TMEM41A: variants seen among roughly 807,000 people sequenced by gnomAD.
TMEM41A encodes the protein transmembrane protein 41A.
In TMEM41A, 20 loss-of-function variants were observed where a neutral mutation model predicts 25.7. The ratio of observed to expected loss-of-function variants is 0.78; its 90% CI spans 0.55 to 1.13. TMEM41A has a LOEUF of 1.13. TMEM41A is among the 50% of genes most tolerant of loss of function. The probability of loss-of-function intolerance (pLI) is 0.00; values close to 1 mark genes in which losing one functional copy is unlikely to be tolerated. For missense variants in TMEM41A, 299 were observed against 314.3 expected, an observed-to-expected ratio of 0.95 and a Z score of 0.37; for synonymous variants, 133 against 139.6, an observed-to-expected ratio of 0.95 and a Z score of 0.33.
At chr3:185,493,870 G>A (rs768576479) in intron 4 of TMEM41A, 2 of 152,144 alleles carry the variant, frequency 1.3e-5, no homozygotes, top group African/African-American at 4.8e-5. Flanking sequence ...GTTTGCAGGC[G>A]ATTCTTAATA....
chr3:185,494,644 A>G lies in TMEM41A; in HGVS notation c.553T>C (p.Phe185Leu). The change falls in exon 4 of 5, where the codon TTC (phenylalanine) becomes CTC (leucine). Residue 185 changes from phenylalanine to leucine, a missense_variant. Physicochemically the swap from Phe to Leu is conservative, Grantham distance 22. Transcript: ENST00000421852. ...APILNIPIVQ[F>L]FFSVLIGLIP... is the part of the protein sequence containing the mutation. ...TTACCGATAAGAACTGAGAAGAAGA[A>G]CTGCACGATGGGAATGTTCAGAATT... The G allele has an allele frequency of 6.2e-7, 1 of 1,609,316 alleles. No homozygotes were observed. The highest frequency in any genetic ancestry group is 8.5e-7 in the Non-Finnish European group (1 of 1,178,406).
In TMEM41A at chr3:185,492,090, T is replaced by G. The variant is rs1718974656; in HGVS notation, c.575-333A>C. The stretch of plus-strand genomic sequence containing the variant: ...GGAGGCCGAGGTGGATCACCTGAGG[T>G]CAGGAGTTCGAGATCAGCCTGGCCA... On this transcript the variant is annotated intron_variant, in intron 4 of 4. Transcript: ENST00000421852. Among the ~76,000 whole-genome samples, 3 of 152,186 alleles carry G rather than the reference T, an allele frequency of 2.0e-5. No individual in the cohort carries two copies. In the South Asian group the frequency reaches 6.2e-4, roughly 32 times the overall value.
At chr3:185,495,007 C>G (rs1233394946) in intron 3 of TMEM41A, 147 bp downstream of exon 3, 6 of 1,066,010 alleles carry the variant, frequency 5.6e-6, no homozygotes, top group Non-Finnish European at 8.1e-6. Context: ...AGGTCTATGT[C>G]TCCTGAAGAC....
chr3:185,498,123 G>A (rs1343533657), intron 1 of TMEM41A, among the ~76,000 whole-genome samples: 5 of 133,438 alleles, frequency 3.7e-5, no homozygotes, highest in African/African-American at 5.8e-5. Context: ...AAATTAGCCG[G>A]CCGTGGTGGC....
chr3:185,497,854 T>C (rs541189038), intron 1 of TMEM41A, among the ~76,000 whole-genome samples: 1 of 152,296 alleles, frequency 6.6e-6, no homozygotes, highest in East Asian at 1.9e-4. Context: ...AACCACGCAA[T>C]GCTGTACTAG....
chr3:185,498,573 A>G (rs574730049), intron 1 of TMEM41A: 40 of 361,586 alleles, frequency 1.1e-4, no homozygotes, highest in Non-Finnish European at 1.7e-4. Flanking sequence ...CCACCCAACC[A>G]AAGGCACCGC....
rs1719194847 is a variant in TMEM41A, at chr3:185,498,945, C to A, written c.17G>T (p.Gly6Val). 1 of 1,602,248 alleles carries A rather than the reference C, an allele frequency of 6.2e-7. No individual in the cohort carries two copies. The highest frequency in any genetic ancestry group is 8.5e-7 in the Non-Finnish European group (1 of 1,175,248). The change falls in exon 1 of 5, where the codon GGC becomes GTC. Residue 6 changes from glycine to valine, a missense_variant. By Grantham distance (109) the Gly-to-Val change is moderately radical (BLOSUM62 -3). Coordinates refer to ENST00000421852, the MANE Select transcript of TMEM41A (RefSeq NM_080652.4). ...GCAGCCGGCGAAGACCAGAAGGAGGCCGAGAAGCGGGCGCATGTCGGCTCC... is the reference window on the plus strand; with the variant it reads ...GCAGCCGGCGAAGACCAGAAGGAGGACGAGAAGCGGGCGCATGTCGGCTCC... MRPLLGLLLVFAGCTF... is the reference protein window; with the variant it reads MRPLLVLLLVFAGCTF...
chr3:185,496,571 T>A, intron 2 of TMEM41A: 1 of 526,450 alleles, frequency 1.9e-6, no homozygotes, highest in South Asian at 2.1e-5. Flanking sequence ...AAGGAAACTG[T>A]TTGAGCAGGT....
intron 1 of TMEM41A, among the ~76,000 whole-genome samples, chr3:185,497,314 A>AT (rs1462661870): frequency 3.9e-5 from 6 of 152,146 alleles, no homozygotes; most frequent in African/African-American, 1.4e-4. Context: ...TAGCTCTGGG[A>AT]TTTTAGAATC....
At chr3:185,498,537 T>G in intron 1 of TMEM41A, 1 of 285,188 alleles carries the variant, frequency 3.5e-6, no homozygotes, top group East Asian at 7.6e-5. Context: ...GCGGGCAGGC[T>G]CAGCGCCGCG....
At chr3:185,496,460 G>GACA (rs1719103276) in intron 2 of TMEM41A, 1 of 336,836 alleles carries the variant, frequency 3.0e-6, no homozygotes, top group South Asian at 2.5e-5. Flanking sequence ...CAAGACAGAA[G>GACA]ACAGACACAG....
intron 3 of TMEM41A, 63 bp from the exon 4 acceptor site, chr3:185,494,824 C>T: frequency 6.6e-7 from 1 of 1,520,954 alleles, no homozygotes; most frequent in East Asian, 2.3e-5. Context: ...TGAAAACCTG[C>T]TGGTGCCAGG....
chr3:185,494,714 T>C lies in TMEM41A; in HGVS notation c.483A>G (p.Arg161=). The change falls in exon 4 of 5, where the codon AGA becomes AGG. Residue 161 remains arginine (R), a synonymous_variant. Transcript: ENST00000421852. The part of the protein sequence containing the change: ...NSLFFFLLFL[R]LFPMTPNWFL... ...ACCAGTTTGGTGTCATGGGGAAAAG[T>C]CTCAAAAACAATAAGAAAAAAAACA... is the stretch of plus-strand genomic sequence containing the variant. 1 of 1,612,176 alleles carries C rather than the reference T, an allele frequency of 6.2e-7. No individual in the cohort carries two copies. Among genetic ancestry groups the C allele is most frequent in the Non-Finnish European group, 8.5e-7 (1 of 1,179,458 alleles).
rs768225127 is a variant in TMEM41A at position 185,496,979 on chromosome 3, G to A, written c.122C>T (p.Ser41Leu). 1.0e-5 allele frequency: 16 copies of A among 1,592,752 alleles called. No individual in the cohort carries two copies. The highest frequency in any genetic ancestry group is 1.9e-4 in the Middle Eastern group (1 of 5,250). ...LGSTEEAGGR[S>L]LWFPSDLAEL... ...TGCCAGGTCGGAGGGGAACCACAGC[G>A]ACCTGGGGATTTGGAAAAGCAGATG... Residue 41 changes from serine to leucine, a missense_variant and splice_region_variant, in exon 2 of 5, where the codon TCG (serine) becomes TTG (leucine). Coordinates refer to ENST00000421852, the MANE Select transcript of TMEM41A (RefSeq NM_080652.4).
At chr3:185,492,306 A>C (rs1718981669) in intron 4 of TMEM41A, 1 of 152,150 alleles carries the variant, frequency 6.6e-6, no homozygotes, top group East Asian at 1.9e-4. Context: ...TGTCTCAAAA[A>C]TAAATAAATA....
rs1366063210 is a variant in TMEM41A, at chr3:185,491,177, TATTA to T, written c.*356_*359del. Reference sequence around the variant, plus strand: ...CACGCCTGGCTAATTTTTGTATTTTTATTAGAGACAGGATTTCACCATCTTGGCC... The same window carrying T: ...CACGCCTGGCTAATTTTTGTATTTTTGAGACAGGATTTCACCATCTTGGCC... On this transcript the variant is annotated 3_prime_UTR_variant, in exon 5 of 5. Coordinates refer to ENST00000421852, the MANE Select transcript of TMEM41A (RefSeq NM_080652.4). 5.7e-6 allele frequency: 1 copy of T among 175,360 alleles called. No homozygotes were observed. Among genetic ancestry groups the T allele is most frequent in the African/African-American group, 2.4e-5 (1 of 41,766 alleles). The allele number at this position is 175,360 out of a possible 1,614,324, so 10.9% of individuals were successfully genotyped here. A position where few individuals can be genotyped will look rare whatever the true frequency, so the allele number is the denominator to read the frequency against.
Position 185,494,775 on chromosome 3 carries a change from G to C in TMEM41A, c.436-14C>G, listed in dbSNP as rs1348906302. On this transcript the variant is annotated splice_polypyrimidine_tract_variant and intron_variant, in intron 3 of 4. Transcript: ENST00000421852. Reference sequence around the variant, plus strand: ...GTTCTCCTCCACCTGTAGCCAAAGAGAAGAAAGCTGTTAAGAAGCAGAAAG... The same window carrying C: ...GTTCTCCTCCACCTGTAGCCAAAGACAAGAAAGCTGTTAAGAAGCAGAAAG... 1.3e-6 allele frequency: 2 copies of C among 1,593,750 alleles called. No homozygotes were observed. Among genetic ancestry groups the C allele is most frequent in the East Asian group, 2.2e-5 (1 of 44,746 alleles).
At position 185,495,134 on chromosome 3, in the gene TMEM41A, G is replaced by A; in HGVS notation, c.435+20C>T. 6.2e-7 allele frequency: 1 copy of A among 1,612,552 alleles called. No homozygotes were observed. Among genetic ancestry groups the A allele is most frequent in the Non-Finnish European group, 8.5e-7 (1 of 1,179,800 alleles). ...CGACTGTCTGGGGTCCCAGCTCTCAGATGTGACCCCTCCCCTTACCTTTCT... is the reference window on the plus strand; with the variant it reads ...CGACTGTCTGGGGTCCCAGCTCTCAAATGTGACCCCTCCCCTTACCTTTCT... On this transcript the variant is annotated intron_variant, in intron 3 of 4. Coordinates refer to ENST00000421852, the MANE Select transcript of TMEM41A (RefSeq NM_080652.4).
chr3:185,492,553 C>T (rs763967912), intron 4 of TMEM41A: 5 of 152,218 alleles, frequency 3.3e-5, no homozygotes, highest in Non-Finnish European at 5.9e-5. Flanking sequence ...ATCAAATCCA[C>T]TGGATTCCAA....
Sources: gnomAD v4.1 joint callset for allele counts (sites outside exome capture counted in the v4.1 genomes callset) on GRCh38, gnomAD v4.1.1 for gene constraint, MANE v1.5 for transcripts, NCBI Gene and HGNC (gene_info 2026-07-23, HGNC 2026-07-21) for gene names.